The following ERBIN variants were observed in gnomAD, a reference collection of about 807,000 sequenced individuals.
ERBIN encodes the protein erbb2 interacting protein, also known as densin-180-like protein.
A neutral mutation model predicts 158.4 loss-of-function variants in ERBIN; 60 were observed. The ratio of observed to expected loss-of-function variants is 0.38; its 90% confidence interval spans 0.31 to 0.47. ERBIN has a LOEUF of 0.47. Ranked by LOEUF, ERBIN falls within the 20% of genes least tolerant of loss-of-function variation. The pLI is 0.99. For synonymous variants in ERBIN, 594 were observed against 557.2 expected (o/e 1.07, Z -0.93); for missense variants, 1,610 against 1,648.0 (o/e 0.98, Z 0.40).
At chr5:66,005,781 A>G (rs1398280864) in intron 4 of ERBIN, among the ~76,000 whole-genome samples, 1 of 152,234 alleles carries the variant, frequency 6.6e-6, no homozygotes, top group Non-Finnish European at 1.5e-5. Context: ...ATCATGAGTG[A>G]ACTCCCATTC....
chr5:65,954,402 G>T (rs371581437), intron 1 of ERBIN, among the ~76,000 whole-genome samples: 1 of 152,142 alleles, frequency 6.6e-6, no homozygotes, highest in Non-Finnish European at 1.5e-5. Flanking sequence ...AGAGTAACAG[G>T]TGAGAGTACT....
At chr5:66,071,200 G>A (rs748242450) in intron 21 of ERBIN, among the ~76,000 whole-genome samples, 14 of 151,940 alleles carry the variant, frequency 9.2e-5, no homozygotes, top group Non-Finnish European at 1.9e-4. Flanking sequence ...CCCCCTCCCC[G>A]CCTACAAAAA....
intron 1 of ERBIN, among the ~76,000 whole-genome samples, chr5:65,951,993 A>G (rs769808983): frequency 6.6e-6 from 1 of 152,136 alleles, no homozygotes; most frequent in African/African-American, 2.4e-5. Flanking sequence ...GCAAGTTTGA[A>G]TCTGCATTTA....
intron 21 of ERBIN, among the ~76,000 whole-genome samples, chr5:66,060,701 A>G (rs1483403198): frequency 6.6e-6 from 1 of 152,154 alleles, no homozygotes. Flanking sequence ...CCTTCTACAC[A>G]CTGCTTTGAA....
chr5:65,929,897 A>G (rs1743155724), intron 1 of ERBIN, among the ~76,000 whole-genome samples: 1 of 152,000 alleles, frequency 6.6e-6, no homozygotes, highest in South Asian at 2.1e-4. Context: ...ACCTTGGCCT[A>G]CCGAAGTGCT....
chr5:65,958,095 A>C (rs1226988351), intron 1 of ERBIN, among the ~76,000 whole-genome samples: 1 of 149,818 alleles, frequency 6.7e-6, no homozygotes, highest in Non-Finnish European at 1.5e-5. Context: ...TACTTCCTAG[A>C]TGGGATGGCG....
At chr5:66,052,795 T>C (rs558614602) in intron 20 of ERBIN, among the ~76,000 whole-genome samples, 1 of 152,322 alleles carries the variant, frequency 6.6e-6, no homozygotes, top group East Asian at 1.9e-4. Flanking sequence ...GCTAGCTACT[T>C]AGAAGAGTGA....
chr5:66,077,646 ATAC>A (rs1561464576), intron 25 of ERBIN, among the ~76,000 whole-genome samples: 1 of 152,132 alleles, frequency 6.6e-6, no homozygotes, highest in Non-Finnish European at 1.5e-5. Context: ...AGCCACAAAA[ATAC>A]TACAACAAAC....
rs1424839307 is a variant in ERBIN, at chr5:66,080,985, GT to G, written c.*2458del. On this transcript the variant is annotated 3_prime_UTR_variant, in exon 26 of 26. Coordinates refer to ENST00000284037, the MANE Select transcript of ERBIN (RefSeq NM_001253697.2). ...TGAATTAGAATTTTGCTGTAATAAA[GT>G]TTCAAAATTTGAATAAAATAATTAA... The G allele has an allele frequency of 6.6e-6, 1 of 151,958 alleles. No homozygotes were observed. Among genetic ancestry groups the G allele is most frequent in the Non-Finnish European group, 1.5e-5 (1 of 67,868 alleles). The allele number at this position is 151,958 out of a possible 1,614,324, so 9.4% of individuals were successfully genotyped here. A position where few individuals can be genotyped will look rare whatever the true frequency, so the allele number is the denominator to read the frequency against.
chr5:66,034,152 AATGG>A (rs1487375020), intron 14 of ERBIN, among the ~76,000 whole-genome samples: 1 of 151,652 alleles, frequency 6.6e-6, no homozygotes, highest in Non-Finnish European at 1.5e-5. Flanking sequence ...GCAGTTGGAT[AATGG>A]ATGGAAACTG....
At chr5:66,013,681 A>C in intron 6 of ERBIN, 43 bp downstream of exon 6, 1 of 1,314,902 alleles carries the variant, frequency 7.6e-7, no homozygotes. Flanking sequence ...ATTAGCTCTT[A>C]TAAAGTTTAC....
chr5:65,984,993 A>T (rs1751062716), intron 1 of ERBIN: 1 of 152,084 alleles, frequency 6.6e-6, no homozygotes, highest in African/African-American at 2.4e-5. Flanking sequence ...CAAGTAGTGG[A>T]TGGGGAAGGC....
chr5:65,989,446 C>T (rs1751629180), intron 2 of ERBIN, among the ~76,000 whole-genome samples: 1 of 152,128 alleles, frequency 6.6e-6, no homozygotes, highest in South Asian at 2.1e-4. Context: ...AGTCTCTATT[C>T]ACAGAAAGTT....
intron 25 of ERBIN, among the ~76,000 whole-genome samples, chr5:66,078,024 A>G (rs1315962133): frequency 1.3e-5 from 2 of 152,210 alleles, no homozygotes; most frequent in African/African-American, 4.8e-5. Flanking sequence ...GTAGAACCTC[A>G]GTAAATATTA....
intron 4 of ERBIN, among the ~76,000 whole-genome samples, chr5:65,998,018 A>AG (rs1052134186): frequency 6.6e-6 from 1 of 152,040 alleles, no homozygotes; most frequent in African/African-American, 2.4e-5. Context: ...ACTTGAGGTC[A>AG]GGAGTTCAAG....
chr5:66,021,169 T>G (rs537489576), intron 7 of ERBIN, among the ~76,000 whole-genome samples, 153 bp from the exon 8 acceptor site: 6,126 of 151,886 alleles, frequency 0.04, 422 homozygotes, highest in African/African-American at 0.14. Flanking sequence ...ATCTGACTTT[T>G]AAAATTTTTT....
chr5:66,018,475 ATATATTATATAT>A (rs199565998), intron 7 of ERBIN, among the ~76,000 whole-genome samples: 207 of 4,498 alleles, frequency 0.046, 51 homozygotes, highest in Middle Eastern at 0.17. Flanking sequence ...AATATATATT[ATATATTATATAT>A]TATATTATAT....
chr5:66,019,184 A>C (rs545604540), intron 7 of ERBIN, among the ~76,000 whole-genome samples: 1 of 152,104 alleles, frequency 6.6e-6, no homozygotes, highest in South Asian at 2.1e-4. Flanking sequence ...GATGCTCTTT[A>C]TTTCTTTCTC....
rs1761594999 is a variant in ERBIN at position 66,072,212 on chromosome 5, G to A, written c.3677G>A (p.Gly1226Asp). 6.5e-7 allele frequency: 1 copy of A among 1,550,220 alleles called. No individual in the cohort carries two copies. The highest frequency in any genetic ancestry group is 2.0e-5 in the Admixed American group (1 of 50,960). The change falls in exon 22 of 26, where the codon GGT (glycine) becomes GAT (aspartate). Residue 1226 changes from glycine to aspartate, a missense_variant. Physicochemically the swap from Gly to Asp is moderately conservative, Grantham distance 94. Transcript: ENST00000284037. Reference protein sequence around the residue: ...TSSSGDPCQDGIFISGQQNYS... With the variant: ...TSSSGDPCQDDIFISGQQNYS... Reference sequence around the variant, plus strand: ...AGTTCAGGAGATCCTTGTCAAGATGGTATATTCATTTCAGGACAGCAGAAC... The same window carrying A: ...AGTTCAGGAGATCCTTGTCAAGATGATATATTCATTTCAGGACAGCAGAAC...
Sources: gnomAD v4.1 joint callset for allele counts (sites outside exome capture counted in the v4.1 genomes callset) on GRCh38, gnomAD v4.1.1 for gene constraint, MANE v1.5 for transcripts, NCBI Gene and HGNC (gene_info 2026-07-23, HGNC 2026-07-21) for gene names.